AUH: variants seen among roughly 807,000 people sequenced by gnomAD.
The protein encoded by AUH is AU RNA binding methylglutaconyl-CoA hydratase.
A neutral mutation model predicts 42.3 loss-of-function variants in AUH; 29 were observed. The ratio of observed to expected loss-of-function variants is 0.69; its 90% CI spans 0.51 to 0.93. AUH has a LOEUF of 0.93. Ranked by LOEUF, AUH falls within the 40% of genes least tolerant of loss-of-function variation. The probability of loss-of-function intolerance (pLI) is 0.00; values close to 1 mark genes in which losing one functional copy is unlikely to be tolerated. For synonymous variants in AUH, 174 were observed against 166.4 expected (o/e 1.05, Z -0.35); for missense variants, 452 against 438.1 (o/e 1.03, Z -0.28).
chr9:91,255,107 G>T (rs997531996), intron 6 of AUH, among the ~76,000 whole-genome samples: 1 of 152,130 alleles, frequency 6.6e-6, no homozygotes, highest in East Asian at 1.9e-4. Context: ...CTCGGCCAGA[G>T]GTTTGGAATT....
intron 9 of AUH, 152 bp from the exon 10 acceptor site, chr9:91,214,577 C>T (rs1826717944): frequency 1.5e-6 from 1 of 652,370 alleles, no homozygotes; most frequent in Admixed American, 2.9e-5. Context: ...CCAAACTCAT[C>T]CTTCTTACTC....
intron 3 of AUH, chr9:91,343,002 T>C (rs1831219598): frequency 6.6e-6 from 1 of 152,256 alleles, no homozygotes; most frequent in South Asian, 2.1e-4. Context: ...AACATTTTCT[T>C]TTCTTTAGCT....
intron 3 of AUH, among the ~76,000 whole-genome samples, chr9:91,330,652 T>C (rs1830262395): frequency 6.6e-6 from 1 of 152,186 alleles, no homozygotes; most frequent in Non-Finnish European, 1.5e-5. Flanking sequence ...GCAGCACTAT[T>C]AGAAACAGCT....
intron 4 of AUH, among the ~76,000 whole-genome samples, chr9:91,320,704 C>T (rs1009743012): frequency 4.6e-5 from 7 of 152,238 alleles, no homozygotes; most frequent in Admixed American, 6.5e-5. Flanking sequence ...TTAATTCCAC[C>T]GTGGACAGAA....
chr9:91,361,511 T>C (rs894505477), intron 1 of AUH, 117 bp downstream of exon 1: 1 of 1,398,332 alleles, frequency 7.2e-7, no homozygotes, highest in Non-Finnish European at 9.6e-7. Flanking sequence ...GGACCCAGGT[T>C]CGGTGCGCCT....
intron 3 of AUH, among the ~76,000 whole-genome samples, chr9:91,330,142 A>G (rs1461431426): frequency 6.6e-6 from 1 of 152,198 alleles, no homozygotes; most frequent in African/African-American, 2.4e-5. Flanking sequence ...ATATAAGCTC[A>G]ATATACAAAA....
At chr9:91,256,009 T>G (rs936698353) in intron 6 of AUH, among the ~76,000 whole-genome samples, 1 of 144,718 alleles carries the variant, frequency 6.9e-6, no homozygotes, top group African/African-American at 2.7e-5. Flanking sequence ...ATAATTAAAT[T>G]TAAATAATGT....
intron 4 of AUH, chr9:91,306,320 T>A (rs117012957): frequency 0.023 from 22,694 of 979,408 alleles, 312 homozygotes; most frequent in Non-Finnish European, 0.026. Flanking sequence ...TCTGGAAGGT[T>A]ACACTTACTA....
intron 6 of AUH, among the ~76,000 whole-genome samples, chr9:91,273,074 C>T (rs535488745): frequency 3.9e-5 from 6 of 152,196 alleles, no homozygotes; most frequent in Admixed American, 1.3e-4. Context: ...GGGTGGCCCC[C>T]GAAACTACCA....
In AUH at chr9:91,216,052, T is replaced by G. The variant is rs754815850; in HGVS notation, c.942+7A>C. The G allele has an allele frequency of 1.9e-6, 3 of 1,608,278 alleles. No homozygotes were observed. The highest frequency in any genetic ancestry group is 1.1e-5 in the South Asian group (1 of 90,964). ...ATCCTCATTGAATTTGTGATTGCAT[T>G]ACATACCTGAGCATAACAAGCTTCT... is the stretch of plus-strand genomic sequence containing the variant. On this transcript the variant is annotated splice_region_variant and intron_variant, in intron 9 of 9. Transcript: ENST00000375731.
chr9:91,303,476 G>A (rs940685470), intron 4 of AUH, among the ~76,000 whole-genome samples: 2 of 152,002 alleles, frequency 1.3e-5, no homozygotes, highest in African/African-American at 4.8e-5. Flanking sequence ...GACTACTGGT[G>A]CCCGCCACTA....
In AUH at chr9:91,331,064, C is replaced by A. The variant is rs148817665; in HGVS notation, c.419-5660G>T. ...AAGTTTCCTGATTCCATACGCCCTA[C>A]CCCCTCCAGCTGCCAATTTTTTCCT... On this transcript the variant is annotated intron_variant, in intron 3 of 9. Coordinates refer to ENST00000375731, the MANE Select transcript of AUH (RefSeq NM_001698.3). Among the ~76,000 whole-genome samples, 22 of 152,240 alleles carry A rather than the reference C, an allele frequency of 1.4e-4. No individual in the cohort carries two copies. The East Asian group carries it at 3.9e-3, about 27-fold the overall frequency.
intron 7 of AUH, among the ~76,000 whole-genome samples, chr9:91,218,272 A>T (rs1274463819): frequency 6.6e-6 from 1 of 152,248 alleles, no homozygotes; most frequent in Non-Finnish European, 1.5e-5. Context: ...TTCAAAGGCC[A>T]CAATTTCCAA....
intron 3 of AUH, among the ~76,000 whole-genome samples, chr9:91,346,597 A>C (rs746278606): frequency 4.6e-5 from 7 of 152,146 alleles, no homozygotes; most frequent in African/African-American, 7.2e-5. Context: ...CTTTTTTTCT[A>C]ACACCACTTC....
At chr9:91,252,684 C>T (rs540359172) in intron 6 of AUH, among the ~76,000 whole-genome samples, 6 of 152,266 alleles carry the variant, frequency 3.9e-5, no homozygotes, top group Admixed American at 3.3e-4. Flanking sequence ...CAAAAGAATA[C>T]TTGAAGTGCA....
At chr9:91,340,262 C>A (rs1831008382) in intron 3 of AUH, among the ~76,000 whole-genome samples, 1 of 152,132 alleles carries the variant, frequency 6.6e-6, no homozygotes, top group Admixed American at 6.6e-5. Context: ...ACCTAATAGG[C>A]ATGTGTCCTA....
Position 91,298,088 on chromosome 9 carries a change from A to G in AUH, c.506-12T>C, listed in dbSNP as rs1181208554. On this transcript the variant is annotated splice_polypyrimidine_tract_variant and intron_variant, in intron 4 of 9. Coordinates refer to ENST00000375731, the MANE Select transcript of AUH (RefSeq NM_001698.3). ...TACTGGAAGATTAGCTGAAATGGAA[A>G]GAAAATTTTATGCTTCCTTAATAAG... 2 of 1,593,498 alleles carry G rather than the reference A, an allele frequency of 1.3e-6. No individual in the cohort carries two copies. Among genetic ancestry groups the G allele is most frequent in the Non-Finnish European group, 1.7e-6 (2 of 1,161,394 alleles).
At chr9:91,327,693 G>A (rs1002054787) in intron 3 of AUH, among the ~76,000 whole-genome samples, 3 of 152,216 alleles carry the variant, frequency 2.0e-5, no homozygotes, top group Non-Finnish European at 2.9e-5. Context: ...GCCCCTGGCC[G>A]GCTCGCCAAG....
intron 7 of AUH, among the ~76,000 whole-genome samples, chr9:91,219,291 G>A (rs768454491): frequency 6.6e-6 from 1 of 152,148 alleles, no homozygotes; most frequent in Non-Finnish European, 1.5e-5. Flanking sequence ...GGCCAGGAGC[G>A]GGCTCTGCAG....
Sources: gnomAD v4.1 joint callset for allele counts (sites outside exome capture counted in the v4.1 genomes callset) on GRCh38, gnomAD v4.1.1 for gene constraint, MANE v1.5 for transcripts, NCBI Gene and HGNC (gene_info 2026-07-23, HGNC 2026-07-21) for gene names.